ETFB: variants seen among roughly 807,000 people sequenced by gnomAD.
ETFB encodes the protein beta-ETF.
In ETFB, 20 loss-of-function variants were observed where a neutral mutation model predicts 25.6. The ratio of observed to expected loss-of-function variants is 0.78; its 90% CI spans 0.55 to 1.14. ETFB has a LOEUF of 1.14. ETFB is among the 50% of genes most tolerant of loss of function. The pLI is 0.00. For missense variants in ETFB, 286 were observed against 342.6 expected (o/e 0.83, Z 1.30); for synonymous variants, 142 against 146.7 (o/e 0.97, Z 0.23).
Position 51,366,379 on chromosome 19 carries a change from C to T in ETFB, c.-53G>A. 4 of 1,559,874 alleles carry T rather than the reference C, an allele frequency of 2.6e-6. No homozygotes were observed. The highest frequency in any genetic ancestry group is 3.5e-6 in the Non-Finnish European group (4 of 1,144,984). On this transcript the variant is annotated 5_prime_UTR_variant, in exon 1 of 6. Transcript: ENST00000309244. ...AGCCCGCACCCTCAGCGGCTCAGTC[C>T]AGAAGCCCCACCACCCCCGCCCCCC... is the stretch of plus-strand genomic sequence containing the variant.
chr19:51,356,664 G>A (rs1217476946), intron 1 of ETFB: 1 of 152,138 alleles, frequency 6.6e-6, no homozygotes, highest in Non-Finnish European at 1.5e-5. Context: ...AGACCAGGGT[G>A]TAGCGTGAAC....
In ETFB at chr19:51,366,276, G is replaced by T; in HGVS notation, c.51C>A (p.Ala17=). Residue 17 remains alanine (A), a synonymous_variant, in exon 1 of 6, where the codon GCC becomes GCA. Coordinates refer to ENST00000309244, the MANE Select transcript of ETFB (RefSeq NM_001985.3). ...LVAVKRVIDY[A]VKIRVKPDRT... ...GAGAGGGGGGCCCGATCACCTTCAC[G>T]GCGTAGTCGATGACCCTCTTGACAG... 1 of 1,613,990 alleles carries T rather than the reference G, an allele frequency of 6.2e-7. No homozygotes were observed. Among genetic ancestry groups the T allele is most frequent in the Admixed American group, 1.7e-5 (1 of 60,026 alleles).
intron 4 of ETFB, among the ~76,000 whole-genome samples, chr19:51,350,005 C>A (rs1220494873): frequency 6.6e-6 from 1 of 152,210 alleles, no homozygotes; most frequent in Admixed American, 6.5e-5. Flanking sequence ...CTGCCTCGGC[C>A]TCCCAAAGTG....
rs189456028 is a variant in ETFB, at chr19:51,357,386, G to C, written c.58-3078C>G. 2.0e-3 allele frequency among the ~76,000 whole-genome samples: 299 copies of C among 149,882 alleles called. 1 individual carries two copies. Among genetic ancestry groups the C allele is most frequent in the African/African-American group, 7.0e-3 (288 of 41,240 alleles). ...AACATGGCCAGCCTGCAAAGACCCT[G>C]TTTCTAAGTGATTTCCCCTTCTCAG... On this transcript the variant is annotated intron_variant, in intron 1 of 5. Transcript: ENST00000309244.
At chr19:51,348,638 C>A (rs1985854808) in intron 4 of ETFB, 1 of 150,904 alleles carries the variant, frequency 6.6e-6, no homozygotes, top group Admixed American at 6.6e-5. Context: ...AATTGTGCAA[C>A]TTAGATATGT....
Position 51,354,186 on chromosome 19 carries a change from C to T in ETFB, c.180G>A (p.Glu60=). ...CAGGCCCACAGCTGACGGCGATGAC[C>T]TCCTTCACCAGCTTCTTCTCCTTGA... ...VRLKEKKLVK[E]VIAVSCGPAQ... Residue 60 remains glutamate, a synonymous_variant, in exon 2 of 6, where the codon GAG becomes GAA. Transcript: ENST00000309244. 1 of 1,614,186 alleles carries T rather than the reference C, an allele frequency of 6.2e-7. No individual in the cohort carries two copies. Among genetic ancestry groups the T allele is most frequent in the Non-Finnish European group, 8.5e-7 (1 of 1,180,036 alleles).
rs939994665 is a variant in ETFB, at chr19:51,358,765, C to T, written c.58-4457G>A. 5.3e-5 allele frequency among the ~76,000 whole-genome samples: 8 copies of T among 151,724 alleles called. No homozygotes were observed. The East Asian group carries it at 1.2e-3, about 22-fold the overall frequency. On this transcript the variant is annotated intron_variant, in intron 1 of 5. Transcript: ENST00000309244. ...TGGAGGTTGTAATGAGCCAAGATTG[C>T]GCCACGGCACTCCAGCCTGGGCGAC... is the stretch of plus-strand genomic sequence containing the variant.
At chr19:51,358,219 T>C (rs1986129685) in intron 1 of ETFB, among the ~76,000 whole-genome samples, 1 of 152,168 alleles carries the variant, frequency 6.6e-6, no homozygotes, top group Admixed American at 6.5e-5. Context: ...GTGAGGACAC[T>C]GGGATGCTCT....
intron 1 of ETFB, among the ~76,000 whole-genome samples, chr19:51,364,107 AGGTG>A (rs1255631688): frequency 1.3e-5 from 2 of 151,864 alleles, no homozygotes; most frequent in Non-Finnish European, 2.9e-5. Context: ...GGCTGGGTAG[AGGTG>A]GGCTGAGAGG....
chr19:51,348,974 A>G (rs1202590891), intron 4 of ETFB, among the ~76,000 whole-genome samples: 2 of 152,232 alleles, frequency 1.3e-5, no homozygotes, highest in Non-Finnish European at 2.9e-5. Context: ...GTTTGAATTA[A>G]GATTTTTCAG....
Position 51,345,200 on chromosome 19 carries a change from C to T in ETFB, c.*11G>A, listed in dbSNP as rs1213675725. 3 of 1,613,990 alleles carry T rather than the reference C, an allele frequency of 1.9e-6. No homozygotes were observed. The highest frequency in any genetic ancestry group is 1.7e-5 in the Admixed American group (1 of 60,030). Reference sequence around the variant, plus strand: ...TTGAGAGTCAGTTTTATTGCCATCTCTGGGAGGGGCTCAAATCCGCCCAAT... The same window carrying T: ...TTGAGAGTCAGTTTTATTGCCATCTTTGGGAGGGGCTCAAATCCGCCCAAT... On this transcript the variant is annotated 3_prime_UTR_variant, in exon 6 of 6. Coordinates refer to ENST00000309244, the MANE Select transcript of ETFB (RefSeq NM_001985.3).
chr19:51,362,699 C>T (rs1986261663), intron 1 of ETFB, among the ~76,000 whole-genome samples: 1 of 152,134 alleles, frequency 6.6e-6, no homozygotes, highest in Admixed American at 6.5e-5. Flanking sequence ...AAAAATGAGG[C>T]TTAGAGTGGT....
chr19:51,365,549 G>A (rs552800817), intron 1 of ETFB: 1 of 154,296 alleles, frequency 6.5e-6, no homozygotes, highest in African/African-American at 2.4e-5. Context: ...TCCAGTTCAG[G>A]CCAAGCATTG....
At position 51,345,229 on chromosome 19, in the gene ETFB, C is replaced by T. The variant is rs779819237; in HGVS notation, c.750G>A (p.Lys250=). The T allele has an allele frequency of 6.2e-7, 1 of 1,614,246 alleles. No individual in the cohort carries two copies. Among genetic ancestry groups the T allele is most frequent in the South Asian group, 1.1e-5 (1 of 91,088 alleles). The stretch of plus-strand genomic sequence containing the variant: ...GAGGGGCTCAAATCCGCCCAATCTC[C>T]TTCAGCTTGGCCACCAGGTCCTCAG... The part of the protein sequence containing the change: ...ETTEDLVAKL[K]EIGRI The change falls in exon 6 of 6, where the codon AAG becomes AAA. Residue 250 remains lysine (K), a synonymous_variant. Coordinates refer to ENST00000309244, the MANE Select transcript of ETFB (RefSeq NM_001985.3).
intron 4 of ETFB, 22 bp downstream of exon 4, chr19:51,350,307 G>A (rs768083453): frequency 8.7e-6 from 14 of 1,605,964 alleles, no homozygotes; most frequent in Non-Finnish European, 1.7e-6. Flanking sequence ...CCCTCAGCAG[G>A]TGCTCCCCAC....
At chr19:51,359,212 G>A (rs913138639) in intron 1 of ETFB, among the ~76,000 whole-genome samples, 10 of 151,514 alleles carry the variant, frequency 6.6e-5, no homozygotes, top group Admixed American at 3.3e-4. Flanking sequence ...CCATCATGCC[G>A]GGCTAATTTT....
Position 51,345,277 on chromosome 19 carries a change from C to A in ETFB, c.702G>T (p.Thr234=). The A allele has an allele frequency of 1.9e-6, 3 of 1,614,180 alleles. No homozygotes were observed. The highest frequency in any genetic ancestry group is 2.5e-6 in the Non-Finnish European group (3 of 1,180,028). The change falls in exon 6 of 6, where the codon ACG becomes ACT. Residue 234 remains threonine, a synonymous_variant. Coordinates refer to ENST00000309244, the MANE Select transcript of ETFB (RefSeq NM_001985.3). The part of the protein sequence containing the change: ...VISVEDPPQR[T]AGVKVETTED... Reference sequence around the variant, plus strand: ...CAGTGGTCTCCACCTTGACGCCGGCCGTGCGCTGGGGCGGGTCCTCCACAC... The same window carrying A: ...CAGTGGTCTCCACCTTGACGCCGGCAGTGCGCTGGGGCGGGTCCTCCACAC...
intron 1 of ETFB, chr19:51,354,657 G>A (rs1448653446): frequency 2.5e-6 from 4 of 1,611,872 alleles, no homozygotes; most frequent in Admixed American, 1.7e-5. Flanking sequence ...ATCTCCAAGT[G>A]TATATAAATA....
chr19:51,347,134 A>G, intron 4 of ETFB, 76 bp from the exon 5 acceptor site: 1 of 1,437,276 alleles, frequency 7.0e-7, no homozygotes, highest in Non-Finnish European at 9.7e-7. Flanking sequence ...TTATGCCACT[A>G]CTGAGTACAC....
Sources: gnomAD v4.1 joint callset for allele counts (sites outside exome capture counted in the v4.1 genomes callset) on GRCh38, gnomAD v4.1.1 for gene constraint, MANE v1.5 for transcripts, NCBI Gene and HGNC (gene_info 2026-07-23, HGNC 2026-07-21) for gene names.